LHFPL3: variants seen among roughly 807,000 people sequenced by gnomAD.
LHFPL3 encodes LHFPL tetraspan subfamily member 3.
In LHFPL3, 5 loss-of-function variants were observed where a neutral mutation model predicts 19.3. That is an observed-to-expected ratio of 0.26 (90% CI 0.14 to 0.54). The LOEUF (loss-of-function observed/expected upper bound fraction) is 0.54, where lower values mean the gene tolerates loss of function less well. Among genes scored for constraint, LHFPL3 ranks in the 20% least tolerant of loss-of-function variants. The pLI is 0.94. For missense variants in LHFPL3, 249 were observed against 307.4 expected, an observed-to-expected ratio of 0.81 and a Z score of 1.42; for synonymous variants, 133 against 126.2, an observed-to-expected ratio of 1.05 and a Z score of -0.36.
chr7:104,617,571 C>T (rs1791369750), intron 1 of LHFPL3, among the ~76,000 whole-genome samples: 1 of 152,134 alleles, frequency 6.6e-6, no homozygotes, highest in South Asian at 2.1e-4. Context: ...TAATCAATAA[C>T]CTTCTGTGTT....
At chr7:104,691,813 T>C (rs1304419369) in intron 1 of LHFPL3, among the ~76,000 whole-genome samples, 5 of 151,934 alleles carry the variant, frequency 3.3e-5, no homozygotes, top group Non-Finnish European at 7.4e-5. Context: ...GACAGGAAAA[T>C]ATGGGAAAGT....
At chr7:104,434,438 C>A (rs531626872) in intron 1 of LHFPL3, among the ~76,000 whole-genome samples, 1 of 152,316 alleles carries the variant, frequency 6.6e-6, no homozygotes, top group South Asian at 2.1e-4. Flanking sequence ...GCATCGCTTA[C>A]ACCTTTGAAG....
intron 1 of LHFPL3, among the ~76,000 whole-genome samples, chr7:104,377,823 C>T (rs1790746260): frequency 6.6e-6 from 1 of 152,150 alleles, no homozygotes; most frequent in African/African-American, 2.4e-5. Context: ...TAAATTTTCC[C>T]ATGTATTCTC....
chr7:104,563,922 A>G (rs1294530000), intron 1 of LHFPL3, among the ~76,000 whole-genome samples: 1 of 152,250 alleles, frequency 6.6e-6, no homozygotes, highest in Non-Finnish European at 1.5e-5. Context: ...ATAGCTTAAT[A>G]TTAAGCAAAT....
chr7:104,863,784 G>C (rs1791661766), intron 2 of LHFPL3, among the ~76,000 whole-genome samples: 1 of 152,164 alleles, frequency 6.6e-6, no homozygotes, highest in Non-Finnish European at 1.5e-5. Flanking sequence ...TGATTACCAA[G>C]CCCACTTTCT....
chr7:104,334,456 C>G (rs1480528467), intron 1 of LHFPL3, among the ~76,000 whole-genome samples: 1 of 152,116 alleles, frequency 6.6e-6, no homozygotes, highest in Non-Finnish European at 1.5e-5. Flanking sequence ...CTGAGGCAGG[C>G]GAATCACTTG....
At chr7:104,446,369 T>G (rs1048265058) in intron 1 of LHFPL3, among the ~76,000 whole-genome samples, 10 of 152,184 alleles carry the variant, frequency 6.6e-5, no homozygotes, top group Admixed American at 1.3e-4. Context: ...AACCTAGCAT[T>G]GTTCTTTTCC....
chr7:104,492,418 C>A (rs560705164), intron 1 of LHFPL3, among the ~76,000 whole-genome samples: 7 of 152,138 alleles, frequency 4.6e-5, no homozygotes, highest in African/African-American at 1.7e-4. Context: ...GGTTATCTCT[C>A]GAATGGATCT....
At chr7:104,398,983 G>A (rs1791254316) in intron 1 of LHFPL3, among the ~76,000 whole-genome samples, 1 of 152,152 alleles carries the variant, frequency 6.6e-6, no homozygotes, top group Non-Finnish European at 1.5e-5. Flanking sequence ...AGGTTCTGTT[G>A]GTGTTGATAT....
At chr7:104,390,467 T>C (rs11976521) in intron 1 of LHFPL3, among the ~76,000 whole-genome samples, 52,600 of 151,836 alleles carry the variant, frequency 0.35, 9,518 homozygotes, top group Admixed American at 0.49. Context: ...GATAGTTTGC[T>C]GAGAATGATG....
chr7:104,744,430 T>G (rs905656204), intron 2 of LHFPL3, among the ~76,000 whole-genome samples: 4 of 152,204 alleles, frequency 2.6e-5, no homozygotes, highest in Admixed American at 6.5e-5. Flanking sequence ...GGATTTGTGT[T>G]TAACAAAGTC....
At chr7:104,805,393 G>T (rs917090582) in intron 2 of LHFPL3, among the ~76,000 whole-genome samples, 1 of 152,214 alleles carries the variant, frequency 6.6e-6, no homozygotes. Flanking sequence ...AAATGAATGT[G>T]TAGTCCTTGT....
At chr7:104,554,091 A>G (rs6956837) in intron 1 of LHFPL3, among the ~76,000 whole-genome samples, 4,507 of 152,170 alleles carry the variant, frequency 0.03, 229 homozygotes, top group African/African-American at 0.1. Context: ...ACTGCTTTAT[A>G]TTGCCTGTCA....
intron 2 of LHFPL3, among the ~76,000 whole-genome samples, chr7:104,901,477 C>T (rs1391227730): frequency 3.3e-5 from 5 of 152,172 alleles, no homozygotes; most frequent in Non-Finnish European, 7.3e-5. Flanking sequence ...ATTCCCAGCA[C>T]GCCTTCTGAT....
At chr7:104,350,459 A>C (rs1172468052) in intron 1 of LHFPL3, among the ~76,000 whole-genome samples, 1 of 152,180 alleles carries the variant, frequency 6.6e-6, no homozygotes. Context: ...TAGTATAGAG[A>C]GTCTATGAGT....
intron 1 of LHFPL3, among the ~76,000 whole-genome samples, chr7:104,513,992 T>A (rs951861376): frequency 6.6e-6 from 1 of 151,816 alleles, no homozygotes; most frequent in Non-Finnish European, 1.5e-5. Flanking sequence ...GCTGTAGTGA[T>A]GAGGTTAAGT....
intron 2 of LHFPL3, among the ~76,000 whole-genome samples, chr7:104,830,718 C>A (rs1216363549): frequency 2.0e-5 from 3 of 151,850 alleles, no homozygotes. Flanking sequence ...CAGTACCATG[C>A]TGTTTTGGTT....
chr7:104,365,299 C>CA (rs1048071976), intron 1 of LHFPL3, among the ~76,000 whole-genome samples: 10 of 149,444 alleles, frequency 6.7e-5, no homozygotes, highest in Non-Finnish European at 1.2e-4. Flanking sequence ...AACTCTGTCT[C>CA]AAAAAAAATA....
At chr7:104,388,407 T>C (rs1427293982) in intron 1 of LHFPL3, among the ~76,000 whole-genome samples, 1 of 151,832 alleles carries the variant, frequency 6.6e-6, no homozygotes, top group Non-Finnish European at 1.5e-5. Flanking sequence ...CAATAAGACA[T>C]ACAGCTGACT....
Sources: allele counts gnomAD v4.1 joint callset (sites outside exome capture counted in the v4.1 genomes callset), GRCh38; gene constraint gnomAD v4.1.1; transcripts MANE v1.5; gene names NCBI Gene and HGNC (gene_info 2026-07-23, HGNC 2026-07-21).